Variants in MATR3 observed in about 807,000 individuals in gnomAD.
MATR3 encodes the protein matrin-3.
MATR3 carries 4 observed loss-of-function variants against 85.5 expected under a neutral mutation model. The ratio of observed to expected loss-of-function variants is 0.05; its 90% CI spans 0.02 to 0.11. The LOEUF (loss-of-function observed/expected upper bound fraction) is 0.11, where lower values mean the gene tolerates loss of function less well. MATR3 is among the 10% of genes least tolerant of loss of function. The pLI, the probability that MATR3 is intolerant of heterozygous loss-of-function variation, is 1.00. For missense variants in MATR3, 685 were observed against 1,016.1 expected (o/e 0.67, Z 4.43); for synonymous variants, 336 against 343.1 (o/e 0.98, Z 0.23).
chr5:139,326,048 G>A lies in MATR3; in HGVS notation c.2372-115G>A, dbSNP rs954998627. On this transcript the variant is annotated intron_variant, in intron 13 of 14. Transcript: ENST00000394805. ...CGGTTTTTGTTTTTTATCTTAGGCTGTATTGGACTTCTCAAAAACATGTTG... is the reference window on the plus strand; with the variant it reads ...CGGTTTTTGTTTTTTATCTTAGGCTATATTGGACTTCTCAAAAACATGTTG... 7.2e-6 allele frequency: 7 copies of A among 971,096 alleles called. No homozygotes were observed. The Admixed American group carries it at 9.0e-5, about 13-fold the overall frequency. 60.2% of individuals were successfully genotyped at this position (971,096 alleles called of 1,614,324 possible).
chr5:139,321,613 C>T (rs1003349228), intron 9 of MATR3, among the ~76,000 whole-genome samples: 6 of 152,008 alleles, frequency 3.9e-5, no homozygotes, highest in Admixed American at 2.6e-4. Context: ...CGAAACTGCA[C>T]CTCTACAAAA....
intron 3 of MATR3, chr5:139,315,140 G>T: frequency 5.3e-6 from 1 of 190,350 alleles, no homozygotes; most frequent in Non-Finnish European, 1.1e-5. Flanking sequence ...CAAAATCCTT[G>T]GTGATGAATT....
intron 7 of MATR3, among the ~76,000 whole-genome samples, chr5:139,318,182 G>A (rs1019954390): frequency 6.6e-6 from 1 of 152,134 alleles, no homozygotes; most frequent in African/African-American, 2.4e-5. Flanking sequence ...CACCCAGGCT[G>A]GAGTGCAGTG....
intron 5 of MATR3, among the ~76,000 whole-genome samples, chr5:139,316,774 C>T (rs1038007385): frequency 1.3e-5 from 2 of 152,080 alleles, no homozygotes; most frequent in Non-Finnish European, 2.9e-5. Flanking sequence ...TGGTCTCAAA[C>T]ACCTGGCCTC....
intron 2 of MATR3, among the ~76,000 whole-genome samples, chr5:139,308,827 G>A (rs949976761): frequency 6.6e-6 from 1 of 152,046 alleles, no homozygotes; most frequent in Non-Finnish European, 1.5e-5. Flanking sequence ...GTTTCAGTAT[G>A]TTTCATATTT....
chr5:139,287,932 C>T (rs1352940789), intron 3 of MATR3, among the ~76,000 whole-genome samples: 2 of 151,710 alleles, frequency 1.3e-5, no homozygotes, highest in African/African-American at 2.4e-5. Flanking sequence ...TTTTGGTGGC[C>T]GGGCATGGTG....
intron 1 of MATR3, among the ~76,000 whole-genome samples, chr5:139,300,605 AT>A (rs1754388238): frequency 6.6e-6 from 1 of 152,176 alleles, no homozygotes; most frequent in Non-Finnish European, 1.5e-5. Flanking sequence ...ACCAAATGAG[AT>A]GATTACTACG....
intron 3 of MATR3, chr5:139,280,687 TAAGGA>T (rs1163353363): frequency 6.6e-6 from 1 of 152,236 alleles, no homozygotes; most frequent in Non-Finnish European, 1.5e-5. Flanking sequence ...AAATGGCTCC[TAAGGA>T]AAGAGGAAAA....
chr5:139,329,448 A>G lies in MATR3; in HGVS notation c.*53A>G. On this transcript the variant is annotated 3_prime_UTR_variant, in exon 15 of 15. Coordinates refer to ENST00000394805, the MANE Select transcript of MATR3 (RefSeq NM_018834.6). ...AAGAAAATAATGGTTCTTTGTTTTTAATGTTAACCTTTTTTAAATACAATA... is the reference window on the plus strand; with the variant it reads ...AAGAAAATAATGGTTCTTTGTTTTTGATGTTAACCTTTTTTAAATACAATA... The G allele has an allele frequency of 7.0e-7, 1 of 1,429,432 alleles. No homozygotes were observed. 88.5% of individuals were successfully genotyped at this position (1,429,432 alleles called of 1,614,324 possible).
rs886060000 is a variant in MATR3 at position 139,331,216 on chromosome 5, T to C, written c.*1821T>C. 2 of 454,050 alleles carry C rather than the reference T, an allele frequency of 4.4e-6. No homozygotes were observed. Among genetic ancestry groups the C allele is most frequent in the African/African-American group, 4.0e-5 (2 of 50,020 alleles). 28.1% of individuals were successfully genotyped at this position (454,050 alleles called of 1,614,324 possible). The stretch of plus-strand genomic sequence containing the variant: ...TGGCTAAATTTTATGATCTCTCCCG[T>C]TGAAAAGTAGGTGATGATTTTAATG... On this transcript the variant is annotated 3_prime_UTR_variant, in exon 15 of 15. Coordinates refer to ENST00000394805, the MANE Select transcript of MATR3 (RefSeq NM_018834.6).
chr5:139,325,935 G>A (rs1422992551), intron 13 of MATR3, among the ~76,000 whole-genome samples: 2 of 151,802 alleles, frequency 1.3e-5, no homozygotes, highest in Non-Finnish European at 2.9e-5. Context: ...TTGCTTTTCT[G>A]TGTTGTTTTT....
upstream of MATR3, among the ~76,000 whole-genome samples, chr5:139,289,654 A>T (rs1169520547): frequency 6.6e-6 from 1 of 151,624 alleles, no homozygotes; most frequent in African/African-American, 2.4e-5. Flanking sequence ...CCTTTCAGGA[A>T]CCTCTATTAT....
Position 139,322,684 on chromosome 5 carries a change from C to T in MATR3, c.1865C>T (p.Thr622Ile). ...TDGSQKTESS[T>I]EGKEQEEKSG... ...GGTTCCCAGAAGACTGAGAGTTCAA[C>T]CGAAGGTAAAGAACAAGAAGAGAAG... The change falls in exon 12 of 15, where the codon ACC becomes ATC. Residue 622 changes from threonine (T) to isoleucine (I), a missense_variant. By Grantham distance (89) the Thr-to-Ile change is moderately conservative. Coordinates refer to ENST00000394805, the MANE Select transcript of MATR3 (RefSeq NM_018834.6). 6.2e-7 allele frequency: 1 copy of T among 1,613,978 alleles called. No individual in the cohort carries two copies. Among genetic ancestry groups the T allele is most frequent in the Non-Finnish European group, 8.5e-7 (1 of 1,180,004 alleles).
At chr5:139,318,877 AAC>A (rs1278804572) in intron 7 of MATR3, 29 bp from the exon 8 acceptor site, 1 of 1,613,250 alleles carries the variant, frequency 6.2e-7, no homozygotes, top group African/African-American at 1.3e-5. Flanking sequence ...GATTGGAAAA[AAC>A]AGAGAAATAA....
chr5:139,282,504 A>C (rs1753567378), intron 3 of MATR3, among the ~76,000 whole-genome samples: 1 of 152,214 alleles, frequency 6.6e-6, no homozygotes, highest in African/African-American at 2.4e-5. Flanking sequence ...GTACAGTAAA[A>C]AGGACTTTAA....
intron 5 of MATR3, among the ~76,000 whole-genome samples, 188 bp downstream of exon 5, chr5:139,316,376 G>A (rs1306168672): frequency 2.0e-5 from 3 of 151,936 alleles, no homozygotes; most frequent in African/African-American, 7.3e-5. Flanking sequence ...CTACCGAGTA[G>A]CTGGGATTAC....
intron 1 of MATR3, among the ~76,000 whole-genome samples, chr5:139,299,090 G>A (rs1375944931): frequency 6.6e-6 from 1 of 152,070 alleles, no homozygotes; most frequent in Non-Finnish European, 1.5e-5. Flanking sequence ...GTTGGAAATT[G>A]CTATGTAGAT....
At chr5:139,300,131 A>G (rs1754364431) in intron 1 of MATR3, among the ~76,000 whole-genome samples, 1 of 152,194 alleles carries the variant, frequency 6.6e-6, no homozygotes, top group South Asian at 2.1e-4. Context: ...TTGGGAGGCC[A>G]AGGTGGGTGA....
At position 139,307,829 on chromosome 5, in the gene MATR3, G is replaced by A. The variant is rs1380570292; in HGVS notation, c.414G>A (p.Leu138=). 1 of 1,614,070 alleles carries A rather than the reference G, an allele frequency of 6.2e-7. No individual in the cohort carries two copies. The highest frequency in any genetic ancestry group is 8.5e-7 in the Non-Finnish European group (1 of 1,180,012). Residue 138 remains leucine (L), a synonymous_variant, in exon 2 of 15, where the codon TTG becomes TTA. Coordinates refer to ENST00000394805, the MANE Select transcript of MATR3 (RefSeq NM_018834.6). The surrounding 1 kb of genome is among the most constrained non-coding windows in gnomAD (Gnocchi z 4.4). ...AGGACAAGATTACTCCTGAGAATTT[G>A]CCCCAAATCCTTCTACAGCTTAAAA... ...YPEDKITPEN[L]PQILLQLKRR... is the part of the protein sequence containing the mutation.
Sources: allele counts gnomAD v4.1 joint callset (sites outside exome capture counted in the v4.1 genomes callset), GRCh38; gene constraint gnomAD v4.1.1; non-coding constraint Gnocchi (gnomAD v3.1); transcripts MANE v1.5; gene names NCBI Gene and HGNC (gene_info 2026-07-23, HGNC 2026-07-21).